Variants in PHF24 observed in about 807,000 individuals in gnomAD.
PHF24 encodes the protein Galpha inhibitory interacting protein.
In PHF24, 25 loss-of-function variants were observed where a neutral mutation model predicts 42.6. That is an observed-to-expected ratio of 0.59 (90% CI 0.43 to 0.82). The LOEUF is 0.82. PHF24 is among the 40% of genes least tolerant of loss of function. PHF24 has a pLI of 0.00. For missense variants in PHF24, 470 were observed against 538.1 expected, an observed-to-expected ratio of 0.87 and a Z score of 1.25; for synonymous variants, 185 against 204.8, an observed-to-expected ratio of 0.90 and a Z score of 0.83.
At chr9:34,683,768 A>C in the PHF24 span, among the ~76,000 whole-genome samples, 2 of 152,238 alleles carry the variant, frequency 1.3e-5, no homozygotes, top group Non-Finnish European at 2.9e-5. Context: ...GAAGAAAAGA[A>C]TGAGTTCTGG....
the PHF24 span, among the ~76,000 whole-genome samples, chr9:34,909,318 C>T: frequency 6.6e-6 from 1 of 152,106 alleles, no homozygotes; most frequent in Admixed American, 6.6e-5. Context: ...GTTTTGTCTG[C>T]CCAACTTGGG....
the PHF24 span, chr9:34,724,960 C>T: frequency 6.4e-7 from 1 of 1,551,610 alleles, no homozygotes; most frequent in Non-Finnish European, 8.7e-7. Context: ...CTCGGAGCAG[C>T]TTAGGGTGTT....
the PHF24 span, among the ~76,000 whole-genome samples, chr9:34,840,868 C>T: frequency 1.1e-4 from 16 of 152,180 alleles, no homozygotes; most frequent in African/African-American, 3.1e-4. Context: ...TAAATCTTTG[C>T]ATAAATATAT....
chr9:34,909,747 G>A, the PHF24 span, among the ~76,000 whole-genome samples: 10 of 150,986 alleles, frequency 6.6e-5, no homozygotes, highest in African/African-American at 1.7e-4. Flanking sequence ...TCAGCCTCCC[G>A]AGTAGCTGGG....
the PHF24 span, among the ~76,000 whole-genome samples, chr9:34,751,616 C>A: frequency 6.6e-6 from 1 of 152,090 alleles, no homozygotes; most frequent in Admixed American, 6.5e-5. Context: ...GACTTTAACA[C>A]CCCACTTTCA....
the PHF24 span, among the ~76,000 whole-genome samples, chr9:34,772,553 TA>T: frequency 1.3e-5 from 2 of 152,160 alleles, no homozygotes; most frequent in African/African-American, 2.4e-5. Context: ...AAAAATGATT[TA>T]AAAATGACAA....
chr9:34,972,382 T>C, exon 3 of PHF24: 1 of 1,613,576 alleles, frequency 6.2e-7, no homozygotes, highest in Non-Finnish European at 8.5e-7. Flanking sequence ...TTGTGAGGTC[T>C]GGACAGCTGA....
chr9:34,843,333 G>A, the PHF24 span, among the ~76,000 whole-genome samples: 1 of 152,130 alleles, frequency 6.6e-6, no homozygotes, highest in Non-Finnish European at 1.5e-5. Context: ...TATGAACAAT[G>A]CAAATCTTTT....
chr9:34,717,331 G>A, the PHF24 span, among the ~76,000 whole-genome samples: 3 of 151,056 alleles, frequency 2.0e-5, no homozygotes, highest in Non-Finnish European at 4.4e-5. Flanking sequence ...CTTGTGTAAG[G>A]GTTTTCTAAC....
chr9:34,847,834 C>A, the PHF24 span, among the ~76,000 whole-genome samples: 1 of 152,124 alleles, frequency 6.6e-6, no homozygotes, highest in Non-Finnish European at 1.5e-5. Context: ...TTGTCAAAGA[C>A]CTTTTCTGCA....
the PHF24 span, among the ~76,000 whole-genome samples, chr9:34,781,046 G>GTGC: frequency 6.3e-3 from 953 of 152,314 alleles, 13 homozygotes; most frequent in African/African-American, 0.021. Flanking sequence ...ATGTAAAATA[G>GTGC]TGCTGCTGCT....
At chr9:34,761,758 C>A in the PHF24 span, among the ~76,000 whole-genome samples, 2 of 152,038 alleles carry the variant, frequency 1.3e-5, no homozygotes, top group East Asian at 3.9e-4. Flanking sequence ...AGGTTAGTTA[C>A]ATATGTATAC....
At chr9:34,728,228 A>T in the PHF24 span, 1 of 676,714 alleles carries the variant, frequency 1.5e-6, no homozygotes, top group Non-Finnish European at 2.5e-6. Context: ...TGAGTACAGC[A>T]TCGCTGTAAC....
the PHF24 span, chr9:34,723,849 C>T: frequency 1.3e-6 from 2 of 1,551,672 alleles, no homozygotes; most frequent in Non-Finnish European, 1.7e-6. Context: ...GACTCTTTCT[C>T]CCCAGGGACT....
the PHF24 span, among the ~76,000 whole-genome samples, chr9:34,800,107 A>T: frequency 6.6e-6 from 1 of 152,180 alleles, no homozygotes; most frequent in African/African-American, 2.4e-5. Context: ...CAGTAACACA[A>T]TTACACTTGT....
At chr9:34,841,189 C>T in the PHF24 span, among the ~76,000 whole-genome samples, 2 of 151,936 alleles carry the variant, frequency 1.3e-5, no homozygotes, top group Non-Finnish European at 2.9e-5. Context: ...TTAGTAGAGA[C>T]GGGATTTCAC....
At chr9:34,835,526 G>A in the PHF24 span, 5 of 1,551,824 alleles carry the variant, frequency 3.2e-6, no homozygotes, top group Admixed American at 9.8e-5. Flanking sequence ...GGACAGCAAG[G>A]AGACCTGGAA....
chr9:34,931,422 G>A, the PHF24 span, among the ~76,000 whole-genome samples: 1 of 150,156 alleles, frequency 6.7e-6, no homozygotes, highest in Non-Finnish European at 1.5e-5. Flanking sequence ...TGAGGATGCA[G>A]GGGGAAGGGT....
At chr9:34,970,649 G>A (rs959015557) in intron 1 of PHF24, among the ~76,000 whole-genome samples, 5 of 152,188 alleles carry the variant, frequency 3.3e-5, no homozygotes, top group African/African-American at 1.2e-4. Flanking sequence ...TGTCTCAAAA[G>A]GCCTGAACTG....
Sources: allele counts gnomAD v4.1 joint callset (sites outside exome capture counted in the v4.1 genomes callset), GRCh38; gene constraint gnomAD v4.1.1; transcripts MANE v1.5; gene names NCBI Gene and HGNC (gene_info 2026-07-23, HGNC 2026-07-21).